EYS: variants seen among roughly 807,000 people sequenced by gnomAD.
The protein encoded by EYS is EGF-like photoreceptor maintenance factor, also known as protein eyes shut homolog.
Under a neutral mutation model 282.1 loss-of-function variants are expected in EYS, and 250 were observed. That is an observed-to-expected ratio of 0.89 (90% confidence interval 0.80 to 0.98). EYS has a LOEUF of 0.98. Ranked by LOEUF, EYS falls within the 50% of genes least tolerant of loss-of-function variation. The pLI, the probability that EYS is intolerant of heterozygous loss-of-function variation, is 0.00. For synonymous variants in EYS, 1,355 were observed against 1,282.9 expected, an observed-to-expected ratio of 1.06 and a Z score of -1.20; for missense variants, 4,016 against 3,709.0, an observed-to-expected ratio of 1.08 and a Z score of -2.15.
At chr6:64,109,043 T>C (rs79045275) in intron 31 of EYS, among the ~76,000 whole-genome samples, 6,419 of 152,188 alleles carry the variant, frequency 0.042, 400 homozygotes, top group African/African-American at 0.14. Context: ...AAATGTCAAC[T>C]TAGATGCTAT....
chr6:64,505,077 A>C (rs917381809), intron 26 of EYS, among the ~76,000 whole-genome samples: 2 of 152,228 alleles, frequency 1.3e-5, no homozygotes, highest in African/African-American at 4.8e-5. Flanking sequence ...CTTAATTACT[A>C]TCTGTTGAGT....
intron 13 of EYS, among the ~76,000 whole-genome samples, chr6:65,024,415 G>C (rs1317966687): frequency 2.0e-5 from 3 of 152,162 alleles, no homozygotes; most frequent in Non-Finnish European, 4.4e-5. Context: ...TGAGGAAGTG[G>C]AGATGCAGGG....
At chr6:65,622,057 A>C (rs1218359565) in intron 2 of EYS, among the ~76,000 whole-genome samples, 1 of 152,188 alleles carries the variant, frequency 6.6e-6, no homozygotes, top group African/African-American at 2.4e-5. Flanking sequence ...ATGTCTATAA[A>C]TTTAACTGAA....
At chr6:65,568,308 C>T (rs377459056) in intron 2 of EYS, among the ~76,000 whole-genome samples, 4 of 140,516 alleles carry the variant, frequency 2.8e-5, no homozygotes, top group African/African-American at 5.3e-5. Context: ...TCTTTTTTTT[C>T]TTTTTTTTTT....
At chr6:64,871,140 T>A (rs1333870412) in intron 19 of EYS, among the ~76,000 whole-genome samples, 2 of 151,904 alleles carry the variant, frequency 1.3e-5, no homozygotes, top group Non-Finnish European at 2.9e-5. Context: ...TGCTGTTGTG[T>A]GAATTACAAT....
At chr6:65,163,759 C>G (rs1044702340) in intron 12 of EYS, among the ~76,000 whole-genome samples, 2 of 151,156 alleles carry the variant, frequency 1.3e-5, no homozygotes, top group Admixed American at 1.3e-4. Flanking sequence ...ATATTTCTGA[C>G]ACATGAAAGC....
intron 2 of EYS, among the ~76,000 whole-genome samples, chr6:65,560,501 T>C (rs1769012905): frequency 6.7e-6 from 1 of 149,576 alleles, no homozygotes; most frequent in Non-Finnish European, 1.5e-5. Context: ...AACTTTCACT[T>C]CAAAAATACG....
chr6:65,043,298 C>T (rs963122883), intron 13 of EYS, among the ~76,000 whole-genome samples: 2 of 151,186 alleles, frequency 1.3e-5, no homozygotes, highest in African/African-American at 4.9e-5. Context: ...AATTGTGATG[C>T]TTATAAATAA....
chr6:65,044,456 A>G (rs1773038640), intron 13 of EYS, among the ~76,000 whole-genome samples: 2 of 151,618 alleles, frequency 1.3e-5, no homozygotes, highest in African/African-American at 4.8e-5. Flanking sequence ...TCCTTGCCCA[A>G]TCCAATTTTG....
At position 65,522,878 on chromosome 6, in the gene EYS, C is replaced by G. The variant is rs757212582; in HGVS notation, c.-332-26885G>C. Among the ~76,000 whole-genome samples the G allele has an allele frequency of 3.9e-5, 6 of 152,170 alleles. No individual in the cohort carries two copies. The South Asian group carries it at 1.0e-3, about 26-fold the overall frequency. On this transcript the variant is annotated intron_variant, in intron 2 of 42. Transcript: ENST00000503581. ...GCCTTTTAACCTTTTCCTTGATCCTCTATGAACAATTTAGTGTAACATTTA... is the reference window on the plus strand; with the variant it reads ...GCCTTTTAACCTTTTCCTTGATCCTGTATGAACAATTTAGTGTAACATTTA...
chr6:64,847,975 T>A (rs1317249293), intron 19 of EYS, among the ~76,000 whole-genome samples: 1 of 152,064 alleles, frequency 6.6e-6, no homozygotes, highest in African/African-American at 2.4e-5. Context: ...AATCTGAATA[T>A]GTGTGCCATT....
At chr6:64,303,026 G>T (rs1327207814) in intron 30 of EYS, among the ~76,000 whole-genome samples, 2 of 152,032 alleles carry the variant, frequency 1.3e-5, no homozygotes, top group African/African-American at 4.8e-5. Flanking sequence ...GCATCCCCAT[G>T]CTGAAAAAGA....
chr6:65,688,815 C>A (rs1769127480), intron 1 of EYS, among the ~76,000 whole-genome samples: 1 of 150,488 alleles, frequency 6.6e-6, no homozygotes, highest in Non-Finnish European at 1.5e-5. Context: ...AAATCAAAAC[C>A]ACAATGAGAT....
intron 22 of EYS, among the ~76,000 whole-genome samples, chr6:64,783,204 A>G (rs1301459933): frequency 1.3e-5 from 2 of 152,058 alleles, no homozygotes; most frequent in Non-Finnish European, 2.9e-5. Flanking sequence ...ATTACAGAAT[A>G]TTACTATGAT....
At chr6:65,099,589 A>G (rs944703957) in intron 12 of EYS, among the ~76,000 whole-genome samples, 1 of 150,642 alleles carries the variant, frequency 6.6e-6, no homozygotes, top group African/African-American at 2.4e-5. Context: ...CAAAATAAAG[A>G]ATTTTGACTC....
chr6:64,448,375 G>T (rs1294314791), intron 26 of EYS, among the ~76,000 whole-genome samples: 1 of 152,220 alleles, frequency 6.6e-6, no homozygotes, highest in East Asian at 1.9e-4. Context: ...GAAATGGGTG[G>T]AGCCCACCAC....
At chr6:64,743,766 T>C (rs1772454144) in intron 22 of EYS, among the ~76,000 whole-genome samples, 1 of 152,172 alleles carries the variant, frequency 6.6e-6, no homozygotes, top group Non-Finnish European at 1.5e-5. Flanking sequence ...AGGGTTAGAA[T>C]ATTTAGAATT....
chr6:64,524,392 G>A (rs964239902), intron 26 of EYS, among the ~76,000 whole-genome samples: 2 of 151,480 alleles, frequency 1.3e-5, no homozygotes, highest in Admixed American at 6.6e-5. Flanking sequence ...CTTTGACAGG[G>A]GCATAGTTTG....
At chr6:65,699,380 G>C (rs933723644) in intron 1 of EYS, among the ~76,000 whole-genome samples, 1 of 151,632 alleles carries the variant, frequency 6.6e-6, no homozygotes, top group African/African-American at 2.4e-5. Flanking sequence ...ATAAATATTT[G>C]TCAAATTTTG....
Sources: allele counts gnomAD v4.1 joint callset (sites outside exome capture counted in the v4.1 genomes callset), GRCh38; gene constraint gnomAD v4.1.1; transcripts MANE v1.5; gene names NCBI Gene and HGNC (gene_info 2026-07-23, HGNC 2026-07-21).